The following ADAMTS9 variants were observed in gnomAD, a reference collection of about 807,000 sequenced individuals.
ADAMTS9 encodes ADAM metallopeptidase with thrombospondin type 1 motif 9.
ADAMTS9 carries 107 observed loss-of-function variants against 257.1 expected under a neutral mutation model. The ratio of observed to expected loss-of-function variants is 0.42; its 90% confidence interval spans 0.36 to 0.49. The LOEUF is 0.49. ADAMTS9 is among the 20% of genes least tolerant of loss of function. The pLI, the probability that ADAMTS9 is intolerant of heterozygous loss-of-function variation, is 0.03. For synonymous variants in ADAMTS9, 982 were observed against 880.9 expected (o/e 1.11, Z -2.03); for missense variants, 2,353 against 2,469.1 (o/e 0.95, Z 1.00).
chr3:64,658,876 T>C (rs2106971046), intron 3 of ADAMTS9, 85 bp from the exon 4 acceptor site: 1 of 1,416,872 alleles, frequency 7.1e-7, no homozygotes, highest in Non-Finnish European at 9.6e-7. Context: ...TTTAAATTGA[T>C]CCCTCTGTGG....
chr3:64,533,660 T>C (rs1447318188), intron 37 of ADAMTS9, among the ~76,000 whole-genome samples: 2 of 152,214 alleles, frequency 1.3e-5, no homozygotes, highest in African/African-American at 2.4e-5. Flanking sequence ...AGGAACAAAA[T>C]GTCACAGTGT....
chr3:64,520,757 A>T (rs1294573504), intron 39 of ADAMTS9, among the ~76,000 whole-genome samples: 5 of 152,206 alleles, frequency 3.3e-5, no homozygotes, highest in African/African-American at 4.8e-5. Context: ...CAGAAGAATG[A>T]AATTGAACTC....
At chr3:64,685,053 C>T (rs1188262052) in intron 2 of ADAMTS9, 1 of 152,224 alleles carries the variant, frequency 6.6e-6, no homozygotes, top group Non-Finnish European at 1.5e-5. Context: ...AGCGATGACT[C>T]ACTGCAGCAC....
chr3:64,583,621 A>C (rs892271895), intron 28 of ADAMTS9: 1 of 152,186 alleles, frequency 6.6e-6, no homozygotes, highest in Non-Finnish European at 1.5e-5. Flanking sequence ...CCATTGTAAC[A>C]ACCAAAACTG....
At chr3:64,540,431 C>G (rs573355569) in intron 36 of ADAMTS9, among the ~76,000 whole-genome samples, 4 of 152,112 alleles carry the variant, frequency 2.6e-5, no homozygotes, top group Non-Finnish European at 5.9e-5. Context: ...GCAGTGTTGG[C>G]GAGAGTATGA....
chr3:64,592,788 G>T (rs528823371), intron 28 of ADAMTS9: 133 of 150,728 alleles, frequency 8.8e-4, no homozygotes, highest in Admixed American at 1.2e-3. Flanking sequence ...TTTTTTTTGG[G>T]TCAAAGTTAA....
intron 28 of ADAMTS9, chr3:64,582,466 G>A (rs1388582084): frequency 1.3e-5 from 2 of 152,260 alleles, no homozygotes; most frequent in Non-Finnish European, 2.9e-5. Flanking sequence ...TAGGGACTTA[G>A]TATCAAATAT....
intron 30 of ADAMTS9, among the ~76,000 whole-genome samples, chr3:64,554,747 G>T (rs114344275): frequency 4.6e-5 from 7 of 152,110 alleles, no homozygotes; most frequent in Non-Finnish European, 1.0e-4. Flanking sequence ...CGGGCAGCTC[G>T]CCCATTGTTC....
At chr3:64,603,147 C>T (rs1029522543) in intron 25 of ADAMTS9, among the ~76,000 whole-genome samples, 1 of 152,084 alleles carries the variant, frequency 6.6e-6, no homozygotes, top group Non-Finnish European at 1.5e-5. Flanking sequence ...TATTCTTTTC[C>T]GTCTTCTTTA....
Position 64,550,723 on chromosome 3 carries a change from T to C in ADAMTS9, c.4869+169A>G, listed in dbSNP as rs1211720253. 1.1e-5 allele frequency: 8 copies of C among 749,602 alleles called. No homozygotes were observed. In the Admixed American group the frequency reaches 1.7e-4, roughly 16 times the overall value. The allele number at this position is 749,602 out of a possible 1,614,324, so 46.4% of individuals were successfully genotyped here. A position where few individuals can be genotyped will look rare whatever the true frequency, so the allele number is the denominator to read the frequency against. On this transcript the variant is annotated intron_variant, in intron 31 of 39. Transcript: ENST00000498707. The stretch of plus-strand genomic sequence containing the variant: ...TCTCTCCCGCTTTGCATACAAGGAA[T>C]TCTAGCTTGGGAAAGCTGAGGACTT...
intron 19 of ADAMTS9, among the ~76,000 whole-genome samples, chr3:64,620,166 T>G (rs915296786): frequency 4.6e-5 from 7 of 152,142 alleles, no homozygotes; most frequent in Admixed American, 1.3e-4. Flanking sequence ...GGCAAAAATA[T>G]GACACTCGTA....
Position 64,568,920 on chromosome 3 carries a change from G to A in ADAMTS9, c.4357-385C>T, listed in dbSNP as rs552064387. On this transcript the variant is annotated intron_variant, in intron 28 of 39. Transcript: ENST00000498707. ...GTGATTCACTGACTGGGATAAAGGTGCATTTCCAAAATACAACTATGTTCA... is the reference window on the plus strand; with the variant it reads ...GTGATTCACTGACTGGGATAAAGGTACATTTCCAAAATACAACTATGTTCA... The A allele has an allele frequency of 1.5e-4, 26 of 175,190 alleles. 1 individual carries two copies. The South Asian group carries it at 2.3e-3, about 16-fold the overall frequency. 10.9% of individuals were successfully genotyped at this position (175,190 alleles called of 1,614,324 possible). A position where few individuals can be genotyped will look rare whatever the true frequency, so the allele number is the denominator to read the frequency against.
chr3:64,675,829 T>TA (rs1374723829), intron 3 of ADAMTS9, among the ~76,000 whole-genome samples: 1 of 152,220 alleles, frequency 6.6e-6, no homozygotes, highest in Admixed American at 6.5e-5. Context: ...ATACCTACCC[T>TA]ACAATGCTGA....
Position 64,658,445 on chromosome 3 carries a change from A to G in ADAMTS9, c.969+57T>C. On this transcript the variant is annotated intron_variant, in intron 4 of 39. Coordinates refer to ENST00000498707, the MANE Select transcript of ADAMTS9 (RefSeq NM_182920.2). ...CCTCCAAAGCACTGAGTGGAAACCC[A>G]TTCCCCAATGGCACATTTAGAGACC... The G allele has an allele frequency of 1.9e-6, 3 of 1,543,168 alleles. No homozygotes were observed. The Admixed American group carries it at 5.6e-5, about 29-fold the overall frequency.
chr3:64,533,129 T>G (rs747321855), intron 38 of ADAMTS9, 37 bp downstream of exon 38: 21 of 1,551,504 alleles, frequency 1.4e-5, no homozygotes, highest in Non-Finnish European at 1.7e-5. Flanking sequence ...AAGAAAGAAA[T>G]AAAAATTCAT....
chr3:64,570,789 G>T (rs565718060), intron 28 of ADAMTS9, among the ~76,000 whole-genome samples: 1 of 151,796 alleles, frequency 6.6e-6, no homozygotes, highest in South Asian at 2.1e-4. Flanking sequence ...CAGTATCAGG[G>T]ATAACTTTCA....
chr3:64,542,656 G>C (rs977156843), intron 32 of ADAMTS9, among the ~76,000 whole-genome samples: 1 of 152,068 alleles, frequency 6.6e-6, no homozygotes, highest in African/African-American at 2.4e-5. Context: ...GCCCACAAGA[G>C]AAAGCAGGAA....
chr3:64,617,047 T>C (rs1699961277), intron 19 of ADAMTS9, among the ~76,000 whole-genome samples: 1 of 152,182 alleles, frequency 6.6e-6, no homozygotes, highest in Non-Finnish European at 1.5e-5. Context: ...AAGTGGGCTA[T>C]GGAGATTTTC....
At chr3:64,651,211 T>A (rs745975202) in intron 8 of ADAMTS9, 48 bp from the exon 9 acceptor site, 2 of 1,490,996 alleles carry the variant, frequency 1.3e-6, no homozygotes, top group South Asian at 1.4e-5. Context: ...CACCAAGGGA[T>A]CATGCTGTTC....
Sources: allele counts gnomAD v4.1 joint callset (sites outside exome capture counted in the v4.1 genomes callset), GRCh38; gene constraint gnomAD v4.1.1; transcripts MANE v1.5; gene names NCBI Gene and HGNC (gene_info 2026-07-23, HGNC 2026-07-21).